GGT1: variants seen among roughly 807,000 people sequenced by gnomAD.
GGT1 encodes the protein gamma-glutamyltransferase 1.
A neutral mutation model predicts 56.0 loss-of-function variants in GGT1; 21 were observed. That is an observed-to-expected ratio of 0.38 (90% CI 0.27 to 0.54). The LOEUF (loss-of-function observed/expected upper bound fraction) is 0.54. Among genes scored for constraint, GGT1 ranks in the 20% least tolerant of loss-of-function variants. GGT1 has a pLI of 0.82. For missense variants in GGT1, 466 were observed against 787.0 expected, an observed-to-expected ratio of 0.59 and a Z score of 4.88; for synonymous variants, 238 against 342.6, an observed-to-expected ratio of 0.69 and a Z score of 3.37.
chr22:24,617,897 G>A (rs796880205), intron 7 of GGT1, among the ~76,000 whole-genome samples: 22 of 151,866 alleles, frequency 1.4e-4, no homozygotes, highest in African/African-American at 9.7e-5. Context: ...GATGGCAGGC[G>A]GGGGAGACTC....
Position 24,627,515 on chromosome 22 carries a change from C to T in GGT1, c.1104C>T (p.Tyr368=), listed in dbSNP as rs763924646. The T allele has an allele frequency of 1.3e-6, 2 of 1,586,974 alleles. No individual in the cohort carries two copies. The highest frequency in any genetic ancestry group is 1.7e-6 in the Non-Finnish European group (2 of 1,170,466). The change falls in exon 12 of 16, where the codon TAC becomes TAT. Residue 368 remains tyrosine (Y), a synonymous_variant. Transcript: ENST00000400382. Reference sequence around the variant, plus strand: ...ACGACACCACTCACCCGATCTCCTACTACAAGCCCGAGTTCTACACGCCGG... The same window carrying T: ...ACGACACCACTCACCCGATCTCCTATTACAAGCCCGAGTTCTACACGCCGG... The part of the protein sequence containing the change: ...ISDDTTHPIS[Y]YKPEFYTPDD...
Position 24,628,307 on chromosome 22 carries a change from C to G in GGT1, c.1482C>G (p.Asp494Glu), listed in dbSNP as rs372817273. The stretch of plus-strand genomic sequence containing the variant: ...TCTACAACCTCTGGTTCGGCTATGA[C>G]GTGAAGCGGGCCGTGGAGGAGCCCC... ...AIIYNLWFGY[D>E]VKRAVEEPRL... The change falls in exon 15 of 16, where the codon GAC becomes GAG. Residue 494 changes from aspartate to glutamate, a missense_variant. By Grantham distance (45) the Asp-to-Glu change is conservative. Transcript: ENST00000400382. This position sits in a 1 kb window ranked among gnomAD's most constrained non-coding sequence, Gnocchi z 5.7. 1.2e-6 allele frequency: 2 copies of G among 1,611,756 alleles called. No homozygotes were observed. The highest frequency in any genetic ancestry group is 1.7e-5 in the Admixed American group (1 of 59,990).
intron 5 of GGT1, among the ~76,000 whole-genome samples, chr22:24,611,593 T>C (rs931801224): frequency 1.4e-5 from 2 of 142,572 alleles, no homozygotes; most frequent in African/African-American, 5.2e-5. Context: ...TATCTATCTA[T>C]CTATCTACTA....
intron 5 of GGT1, among the ~76,000 whole-genome samples, chr22:24,611,551 T>TATCTATCTATC (rs1569054966): frequency 2.2e-4 from 7 of 31,222 alleles, no homozygotes; most frequent in South Asian, 8.5e-4. Context: ...ATCATCTATC[T>TATCTATCTATC]ATCTATCTAT....
chr22:24,626,508 T>A (rs900609509), intron 11 of GGT1, among the ~76,000 whole-genome samples: 66 of 150,464 alleles, frequency 4.4e-4, no homozygotes, highest in Admixed American at 6.6e-4. Context: ...TTATTTATTT[T>A]TTTTAATACG....
chr22:24,612,886 A>C (rs993546706), intron 5 of GGT1, among the ~76,000 whole-genome samples: 14 of 151,238 alleles, frequency 9.3e-5, no homozygotes, highest in Non-Finnish European at 2.1e-4. Context: ...AGTATAGGGG[A>C]GCGATCATAG....
the GGT1 span, chr22:24,585,549 G>T: frequency 2.8e-6 from 1 of 357,506 alleles, no homozygotes; most frequent in Non-Finnish European, 5.2e-6. Context: ...CCACCCTTTT[G>T]GATAGACACA....
At chr22:24,589,682 TCAGA>T in the GGT1 span, 1 of 984,654 alleles carries the variant, frequency 1.0e-6, no homozygotes, top group Non-Finnish European at 1.4e-6. Flanking sequence ...GCAGCAGGTC[TCAGA>T]CAGGGACAGT....
chr22:24,626,732 T>C (rs1286637223), intron 11 of GGT1, among the ~76,000 whole-genome samples: 3 of 151,222 alleles, frequency 2.0e-5, no homozygotes, highest in Admixed American at 6.7e-5. Context: ...AGAGGGATCC[T>C]GTGAAAACAC....
At chr22:24,612,635 T>G (rs2046793687) in intron 5 of GGT1, among the ~76,000 whole-genome samples, 1 of 152,004 alleles carries the variant, frequency 6.6e-6, no homozygotes, top group Non-Finnish European at 1.5e-5. Context: ...CAGGTGATTC[T>G]CCTGCCTCAG....
At chr22:24,593,578 G>A (rs1209341752), upstream of GGT1, among the ~76,000 whole-genome samples, 1 of 152,110 alleles carries the variant, frequency 6.6e-6, no homozygotes, top group African/African-American at 2.4e-5. Context: ...CTAAGGTCAG[G>A]AGTTCAAGAC....
upstream of GGT1, chr22:24,592,962 C>A (rs1453871483): frequency 4.2e-6 from 5 of 1,191,108 alleles, no homozygotes; most frequent in Non-Finnish European, 5.2e-6. Flanking sequence ...GCTCGTAGGG[C>A]GCGGGCCCGC....
Position 24,626,754 on chromosome 22 carries a change from C to T in GGT1, c.1021-678C>T, listed in dbSNP as rs2047806758. On this transcript the variant is annotated intron_variant, in intron 11 of 15. Coordinates refer to ENST00000400382, the MANE Select transcript of GGT1 (RefSeq NM_001288833.2). ...TCCTGTGAAAACACTCCCCAGCCTG[C>T]TCATTCCTCTGCCCTAAGCCTGCAT... 2.6e-5 allele frequency among the ~76,000 whole-genome samples: 4 copies of T among 151,452 alleles called. No individual in the cohort carries two copies. The South Asian group carries it at 8.3e-4, about 31-fold the overall frequency.
chr22:24,601,591 C>T (rs2045783090), upstream of GGT1, among the ~76,000 whole-genome samples: 1 of 152,236 alleles, frequency 6.6e-6, no homozygotes. Context: ...TTGAAACAGA[C>T]TGGGCTTTGG....
In GGT1 at chr22:24,610,561, G is replaced by A. The variant is rs2046583876; in HGVS notation, c.-8+30G>A. 3 of 164,688 alleles carry A rather than the reference G, an allele frequency of 1.8e-5. No homozygotes were observed. The South Asian group carries it at 4.6e-4, about 25-fold the overall frequency. The allele number at this position is 164,688 out of a possible 1,614,324, so 10.2% of individuals were successfully genotyped here. ...GTCCTGGCCCCGTGGCAGTGAATCT[G>A]TGGGGCGCTCTGATTGTGGGCACTA... On this transcript the variant is annotated intron_variant, in intron 4 of 15. Coordinates refer to ENST00000400382, the MANE Select transcript of GGT1 (RefSeq NM_001288833.2).
At position 24,628,710 on chromosome 22, in the gene GGT1, G is replaced by C; in HGVS notation, c.1581G>C (p.Leu527=). 6.2e-7 allele frequency: 1 copy of C among 1,610,452 alleles called. No homozygotes were observed. The highest frequency in any genetic ancestry group is 8.5e-7 in the Non-Finnish European group (1 of 1,179,474). ...ACCCCCAGGCAGTGACTGCAGCCCT[G>C]GAGACCCGGCACCATCACACCCAGA... The part of the protein sequence containing the change: ...RNIDQAVTAA[L]ETRHHHTQIA... Residue 527 remains leucine, a synonymous_variant, in exon 16 of 16, where the codon CTG becomes CTC. Coordinates refer to ENST00000400382, the MANE Select transcript of GGT1 (RefSeq NM_001288833.2). The surrounding 1 kb of genome is among the most constrained non-coding windows in gnomAD (Gnocchi z 5.7).
the GGT1 span, chr22:24,585,778 T>C: frequency 8.6e-7 from 1 of 1,165,094 alleles, no homozygotes; most frequent in African/African-American, 1.6e-5. Flanking sequence ...GGCTGAGCAT[T>C]TACACTGGAT....
intron 6 of GGT1, 40 bp from the exon 7 acceptor site, chr22:24,615,001 G>A: frequency 1.1e-6 from 1 of 897,088 alleles, no homozygotes; most frequent in Non-Finnish European, 1.7e-6. Context: ...GGCATAAAGG[G>A]TTTGGGTGGG....
the GGT1 span, among the ~76,000 whole-genome samples, chr22:24,588,043 A>G: frequency 6.6e-6 from 1 of 152,098 alleles, no homozygotes; most frequent in East Asian, 1.9e-4. Context: ...CTTGGGGAGC[A>G]TCTGCTACCA....
Sources: allele counts gnomAD v4.1 joint callset (sites outside exome capture counted in the v4.1 genomes callset), GRCh38; gene constraint gnomAD v4.1.1; non-coding constraint Gnocchi (gnomAD v3.1); transcripts MANE v1.5; gene names NCBI Gene and HGNC (gene_info 2026-07-23, HGNC 2026-07-21).